Variants in BCAS3 observed in about 807,000 individuals in gnomAD.
BCAS3 encodes BCAS3 microtubule associated cell migration factor, also known as BCAS4/BCAS3 fusion.
A neutral mutation model predicts 116.1 loss-of-function variants in BCAS3; 53 were observed. The ratio of observed to expected loss-of-function variants is 0.46; its 90% CI spans 0.37 to 0.57. The LOEUF is 0.57. Ranked by LOEUF, BCAS3 falls within the 20% of genes least tolerant of loss-of-function variation. The pLI is 0.00. For synonymous variants in BCAS3, 391 were observed against 408.2 expected (o/e 0.96, Z 0.51); for missense variants, 917 against 1,165.4 (o/e 0.79, Z 3.10).
chr17:60,810,062 C>A, intron 7 of BCAS3: 1 of 245,740 alleles, frequency 4.1e-6, no homozygotes, highest in Non-Finnish European at 8.3e-6. Context: ...TGCCAAGAAA[C>A]AGGAAGTTGT....
intron 23 of BCAS3, among the ~76,000 whole-genome samples, chr17:61,373,828 T>G (rs1603147939): frequency 1.4e-5 from 2 of 138,962 alleles, no homozygotes; most frequent in African/African-American, 5.7e-5. Flanking sequence ...TTTTTTTTTT[T>G]GCTCTGTCAC....
At chr17:61,108,500 CTGTTTTTTTGTT>C (rs2074822723) in intron 22 of BCAS3, among the ~76,000 whole-genome samples, 1 of 150,726 alleles carries the variant, frequency 6.6e-6, no homozygotes, top group South Asian at 2.1e-4. Flanking sequence ...TTTTCTTTCT[CTGTTTTTTTGTT>C]TGTTTAGGCT....
At chr17:60,876,288 A>G (rs2055596896) in intron 9 of BCAS3, among the ~76,000 whole-genome samples, 1 of 151,942 alleles carries the variant, frequency 6.6e-6, no homozygotes, top group South Asian at 2.1e-4. Context: ...TGTCCCATTT[A>G]ATTTGAACCT....
At chr17:61,115,825 A>C in intron 22 of BCAS3, among the ~76,000 whole-genome samples, 1 of 151,158 alleles carries the variant, frequency 6.6e-6, no homozygotes, top group East Asian at 1.9e-4. Flanking sequence ...ACAATAGCAA[A>C]GACTTGGAAC....
At chr17:61,053,365 C>T (rs1250130515) in intron 19 of BCAS3, among the ~76,000 whole-genome samples, 1 of 152,070 alleles carries the variant, frequency 6.6e-6, no homozygotes, top group African/African-American at 2.4e-5. Flanking sequence ...TTTTACTATC[C>T]TGTTGTTTCA....
At chr17:61,320,849 A>G (rs2055152441) in intron 22 of BCAS3, among the ~76,000 whole-genome samples, 1 of 152,162 alleles carries the variant, frequency 6.6e-6, no homozygotes, top group South Asian at 2.1e-4. Context: ...GGGTTTCTTC[A>G]GTCTGCCCGA....
rs896913128 is a variant in BCAS3, at chr17:61,131,653, T to C, written c.2425+47089T>C. On this transcript the variant is annotated intron_variant, in intron 22 of 23. Coordinates refer to ENST00000407086, the MANE Select transcript of BCAS3 (RefSeq NM_017679.5). This position sits in a 1 kb window ranked among gnomAD's most constrained non-coding sequence, Gnocchi z 4.4. ...GCCTCCAGGCCTTTGCAGCCTGTAG[T>C]GGTCTGCACTTCTCTGTTTTTCTTT... Among the ~76,000 whole-genome samples, 2 of 152,226 alleles carry C rather than the reference T, an allele frequency of 1.3e-5. No individual in the cohort carries two copies. The highest frequency in any genetic ancestry group is 4.8e-5 in the African/African-American group (2 of 41,472).
At chr17:60,744,837 T>C (rs956246747) in intron 5 of BCAS3, among the ~76,000 whole-genome samples, 3 of 152,028 alleles carry the variant, frequency 2.0e-5, no homozygotes, top group African/African-American at 7.2e-5. Context: ...GCCTTATGTG[T>C]AAGGAGGGAT....
intron 6 of BCAS3, among the ~76,000 whole-genome samples, chr17:60,767,895 G>T (rs1228300521): frequency 1.3e-5 from 2 of 152,044 alleles, no homozygotes; most frequent in African/African-American, 4.8e-5. Context: ...TGACCTTTTG[G>T]GCTCAAGGGA....
intron 2 of BCAS3, 102 bp from the exon 3 acceptor site, chr17:60,683,880 C>A: frequency 9.8e-7 from 1 of 1,019,690 alleles, no homozygotes; most frequent in African/African-American, 1.6e-5. Flanking sequence ...AAACAAACAA[C>A]AACAAAAAAC....
intron 5 of BCAS3, among the ~76,000 whole-genome samples, chr17:60,714,995 G>A (rs1444673880): frequency 6.6e-6 from 1 of 151,860 alleles, no homozygotes; most frequent in Non-Finnish European, 1.5e-5. Context: ...ACTCTTTTTT[G>A]GTGAGGTAAA....
intron 22 of BCAS3, among the ~76,000 whole-genome samples, chr17:61,111,462 G>C (rs376814495): frequency 8.0e-5 from 12 of 150,420 alleles, no homozygotes; most frequent in African/African-American, 2.7e-4. Flanking sequence ...GAGCCAATGC[G>C]ATCAACTGGA....
rs1015008618 is a variant in BCAS3 at position 61,390,828 on chromosome 17, T to A, written c.2594-1149T>A. On this transcript the variant is annotated intron_variant, in intron 23 of 23. Transcript: ENST00000407086. This position sits in a 1 kb window ranked among gnomAD's most constrained non-coding sequence, Gnocchi z 6.8. ...CAACGTTTTTGCACATCTTGCTGTT[T>A]CAAGTGACTGCTTTGAGGTCCTGCA... 4 of 152,238 alleles carry A rather than the reference T, an allele frequency of 2.6e-5. No individual in the cohort carries two copies. The highest frequency in any genetic ancestry group is 5.9e-5 in the Non-Finnish European group (4 of 68,042). The allele number at this position is 152,238 out of a possible 1,614,324, so 9.4% of individuals were successfully genotyped here. A position where few individuals can be genotyped will look rare whatever the true frequency, so the allele number is the denominator to read the frequency against.
intron 4 of BCAS3, among the ~76,000 whole-genome samples, chr17:60,692,943 AGTT>A (rs1173910517): frequency 6.7e-6 from 1 of 150,346 alleles, no homozygotes; most frequent in Non-Finnish European, 1.5e-5. Flanking sequence ...ACTGAAACTA[AGTT>A]GTTATCTGAC....
chr17:60,881,127 A>G (rs1036763926), intron 9 of BCAS3, among the ~76,000 whole-genome samples: 9 of 152,208 alleles, frequency 5.9e-5, no homozygotes, highest in Middle Eastern at 6.8e-3. Context: ...GGCGCCCGCC[A>G]CCACACCCTG....
intron 5 of BCAS3, among the ~76,000 whole-genome samples, chr17:60,746,559 A>G (rs946796219): frequency 6.6e-6 from 1 of 152,288 alleles, no homozygotes; most frequent in African/African-American, 2.4e-5. Flanking sequence ...TGTGTATAAT[A>G]AAAATGATGA....
intron 22 of BCAS3, among the ~76,000 whole-genome samples, chr17:61,169,416 G>T (rs993385985): frequency 2.7e-4 from 41 of 152,252 alleles, no homozygotes; most frequent in African/African-American, 9.9e-4. Context: ...AATGAGATAG[G>T]ATTCTTTTTC....
At chr17:60,792,879 C>A (rs574014758) in intron 6 of BCAS3, among the ~76,000 whole-genome samples, 1 of 152,248 alleles carries the variant, frequency 6.6e-6, no homozygotes, top group South Asian at 2.1e-4. Flanking sequence ...TATGGCAACA[C>A]TAATTGGACT....
intron 22 of BCAS3, among the ~76,000 whole-genome samples, chr17:61,202,211 C>T (rs2080880822): frequency 6.8e-6 from 1 of 147,878 alleles, no homozygotes; most frequent in African/African-American, 2.5e-5. Flanking sequence ...GATCTCAGCT[C>T]ACTACAAGCT....
Sources: gnomAD v4.1 joint callset for allele counts (sites outside exome capture counted in the v4.1 genomes callset) on GRCh38, gnomAD v4.1.1 for gene constraint, Gnocchi (gnomAD v3.1) non-coding constraint, MANE v1.5 for transcripts, NCBI Gene and HGNC (gene_info 2026-07-23, HGNC 2026-07-21) for gene names.